Variants in SDK2 observed in about 807,000 individuals in gnomAD.
SDK2 encodes protein sidekick-2.
Under a neutral mutation model 253.9 loss-of-function variants are expected in SDK2, and 105 were observed. The ratio of observed to expected loss-of-function variants is 0.41; its 90% CI spans 0.35 to 0.49. SDK2 has a LOEUF of 0.49. SDK2 is among the 20% of genes least tolerant of loss of function. The pLI, the probability that SDK2 is intolerant of heterozygous loss-of-function variation, is 0.06. For missense variants in SDK2, 2,608 were observed against 3,003.0 expected (o/e 0.87, Z 3.07); for synonymous variants, 1,249 against 1,234.9 (o/e 1.01, Z -0.24).
intron 36 of SDK2, among the ~76,000 whole-genome samples, chr17:73,377,512 C>A (rs749643024): frequency 9.9e-5 from 15 of 151,858 alleles, no homozygotes; most frequent in Non-Finnish European, 2.2e-4. Context: ...GGCCACCACA[C>A]CTGGCCCATG....
intron 1 of SDK2, among the ~76,000 whole-genome samples, chr17:73,596,831 G>T (rs930160166): frequency 1.3e-5 from 2 of 152,158 alleles, no homozygotes; most frequent in Non-Finnish European, 2.9e-5. Flanking sequence ...CATGGCTGGC[G>T]GTGTCTGAGC....
At chr17:73,635,323 C>T (rs1396165014) in intron 1 of SDK2, among the ~76,000 whole-genome samples, 3 of 152,262 alleles carry the variant, frequency 2.0e-5, no homozygotes, top group African/African-American at 7.2e-5. Flanking sequence ...GCTGTCCCGT[C>T]TGGGCCCCTG....
intron 2 of SDK2, among the ~76,000 whole-genome samples, chr17:73,477,704 G>A (rs2063695925): frequency 6.6e-6 from 1 of 152,140 alleles, no homozygotes; most frequent in African/African-American, 2.4e-5. Context: ...GATCCTCTAG[G>A]GGCTTCAGCC....
At chr17:73,350,099 C>T (rs969847659) in intron 43 of SDK2, 138 bp downstream of exon 43, 2 of 495,504 alleles carry the variant, frequency 4.0e-6, no homozygotes, top group Non-Finnish European at 5.7e-6. Context: ...TGATCGTTCC[C>T]AGCCCTGGGG....
chr17:73,503,561 A>T (rs2063906762), intron 2 of SDK2, among the ~76,000 whole-genome samples: 1 of 152,214 alleles, frequency 6.6e-6, no homozygotes, highest in Non-Finnish European at 1.5e-5. Context: ...GATTTTACTA[A>T]GATTTGAAAA....
rs1388577455 is a variant in SDK2, at chr17:73,510,421, T to A, written c.65-2824A>T. The stretch of plus-strand genomic sequence containing the variant: ...ACCACCAGAGGGGCAAACCTGAGGG[T>A]GGCCTCAGGGTGGCTCAGAGGGCAG... On this transcript the variant is annotated intron_variant, in intron 1 of 44. Transcript: ENST00000392650. Among the ~76,000 whole-genome samples the A allele has an allele frequency of 5.9e-5, 9 of 152,238 alleles. No homozygotes were observed. In the South Asian group the frequency reaches 1.9e-3, roughly 32 times the overall value.
In SDK2 at chr17:73,348,874, G is replaced by A. The variant is rs142999116; in HGVS notation, c.6039-149C>T. The A allele has an allele frequency of 1.4e-3, 906 of 629,426 alleles. 5 individuals are homozygous for A. The highest frequency in any genetic ancestry group is 0.014 in the African/African-American group (789 of 55,160). The allele number at this position is 629,426 out of a possible 1,614,324, so 39.0% of individuals were successfully genotyped here. A position where few individuals can be genotyped will look rare whatever the true frequency, so the allele number is the denominator to read the frequency against. Reference sequence around the variant, plus strand: ...TCCTGGGTCTGCCTTCCAGGGGCCCGGGCCTGGGAGGTAGGAATCTGGAGG... The same window carrying A: ...TCCTGGGTCTGCCTTCCAGGGGCCCAGGCCTGGGAGGTAGGAATCTGGAGG... On this transcript the variant is annotated intron_variant, in intron 43 of 44. Coordinates refer to ENST00000392650, the MANE Select transcript of SDK2 (RefSeq NM_001144952.2).
At chr17:73,512,399 C>A (rs1567815582) in intron 1 of SDK2, among the ~76,000 whole-genome samples, 1 of 152,054 alleles carries the variant, frequency 6.6e-6, no homozygotes, top group Admixed American at 6.5e-5. Flanking sequence ...GTGCAGTAAA[C>A]AACCTGTGCA....
At chr17:73,614,004 C>T (rs56820013) in intron 1 of SDK2, among the ~76,000 whole-genome samples, 19,383 of 152,264 alleles carry the variant, frequency 0.13, 1,467 homozygotes, top group African/African-American at 0.21. Flanking sequence ...CACCACTGCT[C>T]CTCACCCCTT....
intron 2 of SDK2, among the ~76,000 whole-genome samples, chr17:73,482,263 C>G (rs978176103): frequency 2.3e-5 from 3 of 131,352 alleles, no homozygotes; most frequent in African/African-American, 8.2e-5. Context: ...TGACAAGACT[C>G]CATCTCAAAA....
chr17:73,425,059 A>C (rs549019260), intron 12 of SDK2, among the ~76,000 whole-genome samples: 59 of 152,302 alleles, frequency 3.9e-4, no homozygotes, highest in African/African-American at 1.3e-3. Context: ...GTCTCTACTA[A>C]AAATACAGAA....
chr17:73,461,454 A>T (rs143615580), intron 3 of SDK2, among the ~76,000 whole-genome samples: 13 of 152,382 alleles, frequency 8.5e-5, no homozygotes, highest in African/African-American at 3.1e-4. Flanking sequence ...GACCTACTTC[A>T]GACTGGGATT....
chr17:73,339,321 G>C (rs1380652897), intron 44 of SDK2, among the ~76,000 whole-genome samples: 1 of 150,528 alleles, frequency 6.6e-6, no homozygotes, highest in Non-Finnish European at 1.5e-5. Flanking sequence ...CTGACTCCCT[G>C]GTTCAAGCAA....
At chr17:73,441,350 C>T (rs1005969975) in intron 5 of SDK2, among the ~76,000 whole-genome samples, 2 of 152,172 alleles carry the variant, frequency 1.3e-5, no homozygotes, top group African/African-American at 4.8e-5. Flanking sequence ...GCCCCCTCCC[C>T]CAACACACCT....
chr17:73,424,873 TA>T (rs2063266972), intron 12 of SDK2, among the ~76,000 whole-genome samples: 1 of 152,192 alleles, frequency 6.6e-6, no homozygotes, highest in Non-Finnish European at 1.5e-5. Context: ...TGGGTTTACA[TA>T]ATGTCAGATA....
Position 73,595,455 on chromosome 17 carries a change from C to T in SDK2, c.64+48570G>A, listed in dbSNP as rs534899617. On this transcript the variant is annotated intron_variant, in intron 1 of 44. Coordinates refer to ENST00000392650, the MANE Select transcript of SDK2 (RefSeq NM_001144952.2). ...AGGCCCTTGTGCTTCCAAGAGATCC[C>T]ACACAGCACCAGCCTCCCACACAGC... is the stretch of plus-strand genomic sequence containing the variant. Among the ~76,000 whole-genome samples the T allele has an allele frequency of 2.6e-5, 4 of 152,286 alleles. No individual in the cohort carries two copies. The South Asian group carries it at 8.3e-4, about 32-fold the overall frequency.
intron 38 of SDK2, among the ~76,000 whole-genome samples, chr17:73,364,962 C>G (rs2062671383): frequency 6.6e-6 from 1 of 152,196 alleles, no homozygotes; most frequent in South Asian, 2.1e-4. Flanking sequence ...CCTGTCCACT[C>G]AGGTTTCCCT....
At chr17:73,535,081 C>T (rs999110469) in intron 1 of SDK2, among the ~76,000 whole-genome samples, 1 of 152,168 alleles carries the variant, frequency 6.6e-6, no homozygotes, top group Non-Finnish European at 1.5e-5. Flanking sequence ...TAGTGACATC[C>T]CAGAAGACAC....
Position 73,636,689 on chromosome 17 carries a change from A to AG in SDK2, c.64+7335_64+7336insC, listed in dbSNP as rs1282018996. 2.7e-5 allele frequency among the ~76,000 whole-genome samples: 4 copies of AG among 147,308 alleles called. No homozygotes were observed. In the East Asian group the frequency reaches 5.8e-4, roughly 21 times the overall value. ...AAGCAAGACTCTGTCTCAAAAAAAA[A>AG]AAAAAAAAAAAAAAAAAGAAAAGAA... On this transcript the variant is annotated intron_variant, in intron 1 of 44. Coordinates refer to ENST00000392650, the MANE Select transcript of SDK2 (RefSeq NM_001144952.2).
Sources: allele counts gnomAD v4.1 joint callset (sites outside exome capture counted in the v4.1 genomes callset), GRCh38; gene constraint gnomAD v4.1.1; transcripts MANE v1.5; gene names NCBI Gene and HGNC (gene_info 2026-07-23, HGNC 2026-07-21).